MED16: variants seen among roughly 807,000 people sequenced by gnomAD.
MED16 encodes the protein mediator of RNA polymerase II transcription subunit 16.
A neutral mutation model predicts 84.4 loss-of-function variants in MED16; 81 were observed. The observed-to-expected ratio is 0.96, with a 90% confidence interval of 0.80 to 1.15. The LOEUF is 1.15. Among genes scored for constraint, MED16 ranks in the 50% most tolerant of loss-of-function variants. The pLI is 0.00. For missense variants in MED16, 1,585 were observed against 1,245.9 expected, an observed-to-expected ratio of 1.27 and a Z score of -4.10; for synonymous variants, 897 against 552.2, an observed-to-expected ratio of 1.62 and a Z score of -8.76.
chr19:869,282 G>C (rs1372890303), intron 13 of MED16, among the ~76,000 whole-genome samples: 2 of 152,184 alleles, frequency 1.3e-5, no homozygotes, highest in African/African-American at 4.8e-5. Context: ...GAAGGTGCTT[G>C]TGACGCTCCC....
chr19:881,705 T>C lies in MED16; in HGVS notation c.995A>G (p.Lys332Arg), dbSNP rs1444130692. The change falls in exon 7 of 16, where the codon AAA becomes AGA. Residue 332 changes from lysine (K) to arginine (R), a missense_variant. Physicochemically the swap from Lys to Arg is conservative, Grantham distance 26. Transcript: ENST00000325464. The stretch of plus-strand genomic sequence containing the variant: ...CCGCCATTTGAGAATTGTGGGCTGT[T>C]TGTCGCCAACTGAAAAATCAGGGGC... ...FQQISPVVGD[K>R]QPTILKWRIL... 1.2e-6 allele frequency: 2 copies of C among 1,609,398 alleles called. No homozygotes were observed. The highest frequency in any genetic ancestry group is 1.7e-6 in the Non-Finnish European group (2 of 1,177,338).
rs958280182 is a variant in MED16 at position 880,197 on chromosome 19, C to T, written c.1142-49G>A. 5 of 1,521,786 alleles carry T rather than the reference C, an allele frequency of 3.3e-6. No individual in the cohort carries two copies. The Admixed American group carries it at 8.8e-5, about 27-fold the overall frequency. 94.3% of individuals were successfully genotyped at this position (1,521,786 alleles called of 1,614,324 possible). A position where few individuals can be genotyped will look rare whatever the true frequency, so the allele number is the denominator to read the frequency against. On this transcript the variant is annotated intron_variant, in intron 7 of 15. Coordinates refer to ENST00000325464, the MANE Select transcript of MED16 (RefSeq NM_005481.3). ...GACATGGGCAGGGCCCAGGACACGC[C>T]CGCCGGGGGAGGGGCCTCCTGCTCT...
In MED16 at chr19:868,053, G is replaced by A. The variant is rs929163824; in HGVS notation, c.*48C>T. 2.6e-6 allele frequency: 4 copies of A among 1,556,458 alleles called. No individual in the cohort carries two copies. The highest frequency in any genetic ancestry group is 3.5e-6 in the Non-Finnish European group (4 of 1,157,840). Reference sequence around the variant, plus strand: ...CCGCGGGTGAGGCAAGGAAACCGAGGAGACGCCCGAGCCGGGTCACCACAA... The same window carrying A: ...CCGCGGGTGAGGCAAGGAAACCGAGAAGACGCCCGAGCCGGGTCACCACAA... On this transcript the variant is annotated 3_prime_UTR_variant, in exon 16 of 16. Coordinates refer to ENST00000325464, the MANE Select transcript of MED16 (RefSeq NM_005481.3).
Position 873,584 on chromosome 19 carries a change from T to C in MED16, c.1772-2A>G, listed in dbSNP as rs769532976. On this transcript the variant is annotated splice_acceptor_variant, in intron 10 of 15. Coordinates refer to ENST00000325464, the MANE Select transcript of MED16 (RefSeq NM_005481.3). LOFTEE classifies it high-confidence loss of function. ...GGTTGATCATGACCTTGTCAATGTC[T>C]ACAAGGAGACGTGGGTCGGGTCAGC... The C allele has an allele frequency of 3.1e-6, 5 of 1,612,150 alleles. No homozygotes were observed. The highest frequency in any genetic ancestry group is 4.2e-6 in the Non-Finnish European group (5 of 1,179,590).
chr19:891,282 G>A (rs1427118033), intron 1 of MED16, 133 bp from the exon 2 acceptor site: 12 of 870,414 alleles, frequency 1.4e-5, no homozygotes, highest in Non-Finnish European at 1.7e-5. Flanking sequence ...CCGGAGGCCA[G>A]ACAGAGCCTG....
intron 6 of MED16, among the ~76,000 whole-genome samples, chr19:882,108 T>A (rs745623173): frequency 1.3e-5 from 2 of 152,174 alleles, no homozygotes; most frequent in Non-Finnish European, 2.9e-5. Context: ...AATAAAGCCA[T>A]GCGGGATGGT....
intron 4 of MED16, among the ~76,000 whole-genome samples, chr19:888,535 A>G (rs558518905): frequency 1.3e-5 from 2 of 152,104 alleles, no homozygotes; most frequent in East Asian, 3.9e-4. Context: ...AAAAAAAAAA[A>G]AAAAAAAAGA....
At chr19:875,074 G>A (rs986602225) in intron 10 of MED16, among the ~76,000 whole-genome samples, 170 bp downstream of exon 10, 1 of 152,138 alleles carries the variant, frequency 6.6e-6, no homozygotes, top group African/African-American at 2.4e-5. Flanking sequence ...TGAGGCAGGA[G>A]AATCACTTGA....
intron 8 of MED16, among the ~76,000 whole-genome samples, chr19:877,512 T>TTC (rs1471707307): frequency 7.4e-6 from 1 of 135,992 alleles, no homozygotes; most frequent in Non-Finnish European, 1.6e-5. Context: ...TAATACGTGC[T>TTC]GTGAGCCACC....
chr19:876,950 G>C lies in MED16; in HGVS notation c.1560+24C>G, dbSNP rs948769251. 310 of 1,511,466 alleles carry C rather than the reference G, an allele frequency of 2.1e-4. 3 individuals carry two copies. The highest frequency in any genetic ancestry group is 2.0e-3 in the South Asian group (173 of 85,244). 93.6% of individuals were successfully genotyped at this position (1,511,466 alleles called of 1,614,324 possible). A position where few individuals can be genotyped will look rare whatever the true frequency, so the allele number is the denominator to read the frequency against. ...CCACAGGGCCCCCACCTGCCACGGG[G>C]CCCCACCTGCCACGGGCCCCCACCT... On this transcript the variant is annotated intron_variant, in intron 9 of 15. Coordinates refer to ENST00000325464, the MANE Select transcript of MED16 (RefSeq NM_005481.3).
intron 15 of MED16, 69 bp downstream of exon 15, chr19:868,347 G>C: frequency 6.3e-7 from 1 of 1,591,436 alleles, no homozygotes; most frequent in Non-Finnish European, 8.5e-7. Context: ...AGGGGTAGCT[G>C]AGGAGTAGCT....
rs537179329 is a variant in MED16, at chr19:890,190, G to A, written c.224C>T (p.Ser75Leu). 32 of 1,554,748 alleles carry A rather than the reference G, an allele frequency of 2.1e-5. No individual in the cohort carries two copies. The East Asian group carries it at 6.8e-4, about 33-fold the overall frequency. ...LDTEHPWDLH[S>L]IPSEHHEAIT... ...GGCCTCGTGGTGCTCTGAGGGGATCGAGTGCAGGTCCCAGGGGTGCTCCGT... is the reference window on the plus strand; with the variant it reads ...GGCCTCGTGGTGCTCTGAGGGGATCAAGTGCAGGTCCCAGGGGTGCTCCGT... Residue 75 changes from serine to leucine, a missense_variant, in exon 3 of 16, where the codon TCG becomes TTG. Ser to Leu is a moderately radical substitution (Grantham distance 145). Coordinates refer to ENST00000325464, the MANE Select transcript of MED16 (RefSeq NM_005481.3).
In MED16 at chr19:889,809, T is replaced by C; in HGVS notation, c.278-2A>G. 6.2e-7 allele frequency: 1 copy of C among 1,608,498 alleles called. No homozygotes were observed. The stretch of plus-strand genomic sequence containing the variant: ...CATCTGCTGACAGGAGCCGGGAGCC[T>C]GAGGGCAAGAAGCCATCATTGCGAA... On this transcript the variant is annotated splice_acceptor_variant, in intron 3 of 15. Coordinates refer to ENST00000325464, the MANE Select transcript of MED16 (RefSeq NM_005481.3). LOFTEE classifies it high-confidence loss of function.
chr19:885,699 C>T (rs1266228001), intron 5 of MED16, 71 bp downstream of exon 5: 14 of 1,549,166 alleles, frequency 9.0e-6, no homozygotes, highest in Middle Eastern at 1.8e-4. Flanking sequence ...CGGGTCTCCA[C>T]CCCCAGGACC....
At chr19:888,600 A>C (rs1317458395) in intron 4 of MED16, among the ~76,000 whole-genome samples, 1 of 152,076 alleles carries the variant, frequency 6.6e-6, no homozygotes, top group African/African-American at 2.4e-5. Flanking sequence ...AGTGTATACG[A>C]AACCTCTGGA....
intron 7 of MED16, among the ~76,000 whole-genome samples, chr19:881,177 C>A (rs2036414610): frequency 6.6e-6 from 1 of 152,176 alleles, no homozygotes. Context: ...GAAGAGTGTG[C>A]AGACTCACTC....
chr19:874,348 G>C (rs547176797), intron 10 of MED16, among the ~76,000 whole-genome samples: 3 of 152,134 alleles, frequency 2.0e-5, no homozygotes, highest in Admixed American at 1.3e-4. Context: ...TCCTGACCTC[G>C]TGATCAGCCC....
intron 11 of MED16, among the ~76,000 whole-genome samples, chr19:872,444 G>T (rs925066248): frequency 9.2e-5 from 14 of 152,054 alleles, no homozygotes; most frequent in African/African-American, 3.1e-4. Flanking sequence ...GCGGGCCCGG[G>T]CCCCTGGTGA....
intron 8 of MED16, among the ~76,000 whole-genome samples, chr19:878,481 C>G (rs1005060254): frequency 2.0e-5 from 3 of 149,498 alleles, no homozygotes; most frequent in South Asian, 2.2e-4. Flanking sequence ...TCACCTTCCC[C>G]TGGCTGTCAA....
Sources: gnomAD v4.1 joint callset for allele counts (sites outside exome capture counted in the v4.1 genomes callset) on GRCh38, gnomAD v4.1.1 for gene constraint, MANE v1.5 for transcripts, NCBI Gene and HGNC (gene_info 2026-07-23, HGNC 2026-07-21) for gene names.